GFRAL: variants seen among roughly 807,000 people sequenced by gnomAD.
The protein encoded by GFRAL is GDNF family receptor alpha like.
GFRAL carries 36 observed loss-of-function variants against 45.4 expected under a neutral mutation model. That is an observed-to-expected ratio of 0.79 (90% confidence interval 0.61 to 1.05). The LOEUF is 1.05. Among genes scored for constraint, GFRAL ranks in the 50% least tolerant of loss-of-function variants. The pLI is 0.00. For synonymous variants in GFRAL, 166 were observed against 154.1 expected (o/e 1.08, Z -0.57); for missense variants, 507 against 467.5 (o/e 1.08, Z -0.78).
intron 6 of GFRAL, among the ~76,000 whole-genome samples, chr6:55,377,197 C>A (rs918160266): frequency 3.3e-5 from 5 of 151,968 alleles, no homozygotes; most frequent in Admixed American, 6.6e-5. Context: ...ATCTTTCCAG[C>A]CCCCAATAGG....
At chr6:55,396,048 T>C (rs1446405089) in intron 6 of GFRAL, among the ~76,000 whole-genome samples, 2 of 152,158 alleles carry the variant, frequency 1.3e-5, no homozygotes, top group Non-Finnish European at 2.9e-5. Context: ...CTGACTTTAA[T>C]TTCATGGTTA....
At position 55,333,931 on chromosome 6, in the gene GFRAL, T is replaced by C. The variant is rs1317955059; in HGVS notation, c.303T>C (p.Cys101=). 2.0e-6 allele frequency: 3 copies of C among 1,536,386 alleles called. No homozygotes were observed. Among genetic ancestry groups the C allele is most frequent in the Non-Finnish European group, 8.8e-7 (1 of 1,138,888 alleles). ...CTVNKLLGKK[C]INKSDNVKED... ...TGAACAAACTGCTTGGAAAAAAATGTATCAATAAATCAGGTAATATTTTGT... is the reference window on the plus strand; with the variant it reads ...TGAACAAACTGCTTGGAAAAAAATGCATCAATAAATCAGGTAATATTTTGT... Residue 101 remains cysteine, a synonymous_variant, in exon 3 of 9, where the codon TGT becomes TGC. Coordinates refer to ENST00000340465, the MANE Select transcript of GFRAL (RefSeq NM_207410.2).
intron 5 of GFRAL, among the ~76,000 whole-genome samples, chr6:55,352,499 G>C (rs1199321949): frequency 6.6e-6 from 1 of 152,016 alleles, no homozygotes; most frequent in Non-Finnish European, 1.5e-5. Flanking sequence ...GATGGTGTCA[G>C]GTAAGATGGC....
chr6:55,345,836 A>T (rs556870485), intron 3 of GFRAL, among the ~76,000 whole-genome samples: 4 of 152,358 alleles, frequency 2.6e-5, no homozygotes, highest in Middle Eastern at 3.4e-3. Context: ...AAGAACTCAA[A>T]CAAATTTACA....
chr6:55,393,000 C>T (rs3846917), intron 6 of GFRAL, among the ~76,000 whole-genome samples: 33,777 of 152,030 alleles, frequency 0.22, 5,013 homozygotes, highest in African/African-American at 0.43. Context: ...TTTGCATATA[C>T]GTGTGTCTAG....
At chr6:55,338,164 C>T (rs1043070307) in intron 3 of GFRAL, among the ~76,000 whole-genome samples, 3 of 152,092 alleles carry the variant, frequency 2.0e-5, no homozygotes, top group African/African-American at 7.2e-5. Context: ...GATCTCAGCT[C>T]ACTGCAAACT....
intron 6 of GFRAL, among the ~76,000 whole-genome samples, chr6:55,376,185 A>G (rs190784485): frequency 2.0e-5 from 3 of 152,126 alleles, no homozygotes; most frequent in African/African-American, 7.2e-5. Flanking sequence ...TATTGAACCA[A>G]ACTTGCACCC....
intron 6 of GFRAL, among the ~76,000 whole-genome samples, chr6:55,371,750 G>A (rs1768453437): frequency 6.6e-6 from 1 of 152,138 alleles, no homozygotes. Context: ...GTGGTAGAGT[G>A]ATTTGTCATG....
In GFRAL at chr6:55,327,489, TAAGA is replaced by T; in HGVS notation, c.-62_-59del. Reference sequence around the variant, plus strand: ...AAGCCTTATTCTGGACAGTTACTCTTAAGAAAGTTGTCAGAAGAAACGCATCTGC... The same window carrying T: ...AAGCCTTATTCTGGACAGTTACTCTTAAGTTGTCAGAAGAAACGCATCTGC... On this transcript the variant is annotated 5_prime_UTR_variant, in exon 1 of 9. Transcript: ENST00000340465. The T allele has an allele frequency of 6.3e-7, 1 of 1,575,678 alleles. No individual in the cohort carries two copies. Among genetic ancestry groups the T allele is most frequent in the Non-Finnish European group, 8.7e-7 (1 of 1,147,074 alleles).
intron 6 of GFRAL, among the ~76,000 whole-genome samples, chr6:55,392,221 T>C (rs924710035): frequency 6.6e-6 from 1 of 152,226 alleles, no homozygotes; most frequent in Non-Finnish European, 1.5e-5. Flanking sequence ...TTGTCCCTTA[T>C]TGATTCAACC....
intron 6 of GFRAL, among the ~76,000 whole-genome samples, chr6:55,385,996 C>T (rs1768677497): frequency 6.6e-6 from 1 of 151,932 alleles, no homozygotes; most frequent in South Asian, 2.1e-4. Flanking sequence ...TGTATGTGGC[C>T]CCCTCTGGAG....
rs192685282 is a variant in GFRAL at position 55,346,828 on chromosome 6, A to G, written c.317-3264A>G. On this transcript the variant is annotated intron_variant, in intron 3 of 8. Coordinates refer to ENST00000340465, the MANE Select transcript of GFRAL (RefSeq NM_207410.2). ...GATATCAGTACAAAAAATAAACAAG[A>G]AATCCCCCCCCCCCAAAAAAAAGAA... is the stretch of plus-strand genomic sequence containing the variant. 5.6e-3 allele frequency among the ~76,000 whole-genome samples: 457 copies of G among 81,894 alleles called. 5 individuals are homozygous for G. The highest frequency in any genetic ancestry group is 0.016 in the African/African-American group (436 of 26,914). 53.7% of individuals were successfully genotyped at this position (81,894 alleles called of 152,430 possible). A position where few individuals can be genotyped will look rare whatever the true frequency, so the allele number is the denominator to read the frequency against.
At chr6:55,369,611 G>A (rs188425865) in intron 6 of GFRAL, among the ~76,000 whole-genome samples, 15 of 152,188 alleles carry the variant, frequency 9.9e-5, no homozygotes, top group South Asian at 2.1e-4. Flanking sequence ...TTGCACGTAT[G>A]TACTGGCATT....
intron 6 of GFRAL, among the ~76,000 whole-genome samples, chr6:55,371,108 A>G (rs1768444712): frequency 1.3e-5 from 2 of 152,192 alleles, no homozygotes; most frequent in African/African-American, 4.8e-5. Flanking sequence ...CTGTCTTATA[A>G]TAAATTTTTG....
intron 8 of GFRAL, among the ~76,000 whole-genome samples, chr6:55,401,514 A>G (rs534616657): frequency 6.6e-6 from 1 of 152,364 alleles, no homozygotes; most frequent in Non-Finnish European, 1.5e-5. Context: ...CAAATAGCCC[A>G]GAGCCTTCAA....
chr6:55,376,470 G>T (rs892316842), intron 6 of GFRAL, among the ~76,000 whole-genome samples: 65 of 151,522 alleles, frequency 4.3e-4, no homozygotes, highest in African/African-American at 1.5e-3. Flanking sequence ...TAGGATTCAG[G>T]TGTTAATACC....
At chr6:55,399,736 A>G (rs1331084127) in intron 8 of GFRAL, among the ~76,000 whole-genome samples, 1 of 152,098 alleles carries the variant, frequency 6.6e-6, no homozygotes, top group East Asian at 1.9e-4. Flanking sequence ...TCCCTACCAA[A>G]TCCAAATTGA....
At chr6:55,342,469 A>C (rs1271151624) in intron 3 of GFRAL, among the ~76,000 whole-genome samples, 2 of 152,114 alleles carry the variant, frequency 1.3e-5, no homozygotes, top group Non-Finnish European at 2.9e-5. Context: ...CAGAAAAGCA[A>C]ATGCTGAGAG....
At chr6:55,352,856 T>C (rs977988565) in intron 5 of GFRAL, among the ~76,000 whole-genome samples, 4 of 152,036 alleles carry the variant, frequency 2.6e-5, no homozygotes, top group Non-Finnish European at 5.9e-5. Flanking sequence ...AAAAAAAATT[T>C]ATCAAGCACC....
Sources: gnomAD v4.1 joint callset for allele counts (sites outside exome capture counted in the v4.1 genomes callset) on GRCh38, gnomAD v4.1.1 for gene constraint, MANE v1.5 for transcripts, NCBI Gene and HGNC (gene_info 2026-07-23, HGNC 2026-07-21) for gene names.